Variants in AKT3 observed in about 807,000 individuals in gnomAD.
AKT3 encodes the protein RAC-gamma serine/threonine-protein kinase.
Under a neutral mutation model 65.3 loss-of-function variants are expected in AKT3, and 15 were observed. The observed-to-expected ratio is 0.23, with a 90% CI of 0.15 to 0.35. The LOEUF (loss-of-function observed/expected upper bound fraction) is 0.35, where lower values mean the gene tolerates loss of function less well. Among genes scored for constraint, AKT3 ranks in the 10% least tolerant of loss-of-function variants. The pLI is 1.00. For synonymous variants in AKT3, 206 were observed against 183.8 expected (o/e 1.12, Z -0.98); for missense variants, 243 against 576.5 (o/e 0.42, Z 5.92).
chr1:243,625,051 CT>C, intron 6 of AKT3: 1 of 348,354 alleles, frequency 2.9e-6, no homozygotes, highest in Non-Finnish European at 5.9e-6. Flanking sequence ...AGAAAGCCTC[CT>C]CCACCCTTGC....
intron 8 of AKT3, among the ~76,000 whole-genome samples, chr1:243,598,423 C>T (rs1187432291): frequency 6.6e-6 from 1 of 151,980 alleles, no homozygotes; most frequent in African/African-American, 2.4e-5. Flanking sequence ...CTTAGCCATG[C>T]TATAGGAATA....
At chr1:243,550,460 G>A (rs1672970498) in intron 11 of AKT3, among the ~76,000 whole-genome samples, 1 of 151,752 alleles carries the variant, frequency 6.6e-6, no homozygotes, top group Non-Finnish European at 1.5e-5. Flanking sequence ...TTCATGGAGT[G>A]GGCTGACAAA....
At chr1:243,554,423 AT>A (rs1187776460) in intron 10 of AKT3, among the ~76,000 whole-genome samples, 1 of 152,200 alleles carries the variant, frequency 6.6e-6, no homozygotes, top group Non-Finnish European at 1.5e-5. Flanking sequence ...AGAACAACAA[AT>A]TCTAGTTTTC....
intron 12 of AKT3, among the ~76,000 whole-genome samples, chr1:243,537,063 G>A (rs1373974652): frequency 6.6e-6 from 1 of 152,134 alleles, no homozygotes; most frequent in East Asian, 1.9e-4. Flanking sequence ...AAAGTAGAAA[G>A]TCACAACTCA....
chr1:243,706,632 T>C (rs1685816323), intron 2 of AKT3, among the ~76,000 whole-genome samples: 2 of 152,162 alleles, frequency 1.3e-5, no homozygotes, highest in Admixed American at 1.3e-4. Context: ...TCATAACTCC[T>C]CTCTTCCCTC....
chr1:243,613,285 G>A (rs1206581216), intron 8 of AKT3, among the ~76,000 whole-genome samples: 1 of 151,404 alleles, frequency 6.6e-6, no homozygotes, highest in Non-Finnish European at 1.5e-5. Flanking sequence ...GTTCCACTGA[G>A]TTTAGAATGG....
chr1:243,759,228 G>C (rs887708138), intron 2 of AKT3, among the ~76,000 whole-genome samples: 6 of 152,094 alleles, frequency 3.9e-5, no homozygotes, highest in African/African-American at 1.4e-4. Context: ...GGTGGGAGGA[G>C]AGCTTGAGCC....
chr1:243,771,933 T>C (rs1332919199), intron 2 of AKT3, among the ~76,000 whole-genome samples: 1 of 152,136 alleles, frequency 6.6e-6, no homozygotes, highest in East Asian at 1.9e-4. Flanking sequence ...AAACAAGAAA[T>C]GGGGAAAGGA....
At chr1:243,768,431 T>C (rs1216694014) in intron 2 of AKT3, among the ~76,000 whole-genome samples, 3 of 152,196 alleles carry the variant, frequency 2.0e-5, no homozygotes, top group Non-Finnish European at 2.9e-5. Context: ...TTTCAGGAGT[T>C]TGCTGTCAAC....
At chr1:243,758,630 G>A (rs367552725) in intron 2 of AKT3, among the ~76,000 whole-genome samples, 2 of 152,090 alleles carry the variant, frequency 1.3e-5, no homozygotes, top group African/African-American at 4.8e-5. Context: ...AGAAGGTGTC[G>A]GGCTGAAACT....
In AKT3 at chr1:243,757,602, A is replaced by G. The variant is rs184228948; in HGVS notation, c.47-61886T>C. Reference sequence around the variant, plus strand: ...CACTGCACTCCAGCCCAGGCAGCAAAGAGCGAAACTCCATCTCAGAAAAAA... The same window carrying G: ...CACTGCACTCCAGCCCAGGCAGCAAGGAGCGAAACTCCATCTCAGAAAAAA... On this transcript the variant is annotated intron_variant, in intron 2 of 13. Coordinates refer to ENST00000673466, the MANE Select transcript of AKT3 (RefSeq NM_005465.7). 7.9e-5 allele frequency among the ~76,000 whole-genome samples: 12 copies of G among 152,328 alleles called. No individual in the cohort carries two copies. The East Asian group carries it at 2.3e-3, about 29-fold the overall frequency.
chr1:243,844,959 T>C (rs1262727987), intron 1 of AKT3, among the ~76,000 whole-genome samples: 1 of 152,186 alleles, frequency 6.6e-6, no homozygotes, highest in Non-Finnish European at 1.5e-5. Flanking sequence ...ACCAGTGTTA[T>C]GTGGTCAAGA....
intron 3 of AKT3, among the ~76,000 whole-genome samples, chr1:243,677,949 G>C (rs772995316): frequency 6.6e-6 from 1 of 151,990 alleles, no homozygotes; most frequent in East Asian, 1.9e-4. Flanking sequence ...TTAGCTGGGC[G>C]TGGTGGCGGG....
chr1:243,764,441 A>G (rs899424620), intron 2 of AKT3, among the ~76,000 whole-genome samples: 2 of 152,084 alleles, frequency 1.3e-5, no homozygotes, highest in Non-Finnish European at 2.9e-5. Context: ...CTGTGTACTG[A>G]GAGTACAATT....
intron 3 of AKT3, among the ~76,000 whole-genome samples, chr1:243,672,228 G>C (rs924799299): frequency 3.3e-5 from 5 of 152,204 alleles, no homozygotes; most frequent in African/African-American, 1.2e-4. Context: ...TTTAGAATGA[G>C]AAGCTGAAGG....
chr1:243,745,762 G>A (rs1167993862), intron 2 of AKT3, among the ~76,000 whole-genome samples: 1 of 152,128 alleles, frequency 6.6e-6, no homozygotes, highest in Non-Finnish European at 1.5e-5. Flanking sequence ...GAAGTCAAAA[G>A]ACTGGACACC....
At chr1:243,538,078 C>A (rs1052831397) in intron 12 of AKT3, among the ~76,000 whole-genome samples, 2 of 152,034 alleles carry the variant, frequency 1.3e-5, no homozygotes, top group African/African-American at 4.8e-5. Flanking sequence ...GCATTTTCAA[C>A]CACTTTAAAA....
intron 2 of AKT3, among the ~76,000 whole-genome samples, chr1:243,842,456 C>T (rs188647654): frequency 4.6e-5 from 7 of 152,150 alleles, no homozygotes; most frequent in Admixed American, 1.3e-4. Flanking sequence ...GATGATAAAC[C>T]GCTTTACATC....
chr1:243,511,224 G>A (rs1369154513), intron 13 of AKT3, among the ~76,000 whole-genome samples: 2 of 152,228 alleles, frequency 1.3e-5, no homozygotes, highest in Non-Finnish European at 2.9e-5. Flanking sequence ...TTCAGGACCT[G>A]GAGCACCTTA....
Sources: allele counts gnomAD v4.1 joint callset (sites outside exome capture counted in the v4.1 genomes callset), GRCh38; gene constraint gnomAD v4.1.1; transcripts MANE v1.5; gene names NCBI Gene and HGNC (gene_info 2026-07-23, HGNC 2026-07-21).